The following CACNB2 variants were observed in gnomAD, a reference collection of about 807,000 sequenced individuals.
CACNB2 encodes voltage-dependent L-type calcium channel subunit beta-2.
A neutral mutation model predicts 73.3 loss-of-function variants in CACNB2; 42 were observed. That is an observed-to-expected ratio of 0.57 (90% confidence interval 0.45 to 0.74). The LOEUF is 0.74. Among genes scored for constraint, CACNB2 ranks in the 30% least tolerant of loss-of-function variants. The pLI, the probability that CACNB2 is intolerant of heterozygous loss-of-function variation, is 0.00. For synonymous variants in CACNB2, 348 were observed against 310.3 expected (o/e 1.12, Z -1.28); for missense variants, 940 against 853.0 (o/e 1.10, Z -1.27).
At chr10:18,280,556 G>A (rs1460414235) in intron 2 of CACNB2, among the ~76,000 whole-genome samples, 2 of 152,140 alleles carry the variant, frequency 1.3e-5, no homozygotes, top group East Asian at 3.9e-4. Context: ...CACCCTCACA[G>A]GGAGCATGTA....
At chr10:18,411,087 T>A (rs1225167399) in intron 3 of CACNB2, among the ~76,000 whole-genome samples, 1 of 152,238 alleles carries the variant, frequency 6.6e-6, no homozygotes, top group Non-Finnish European at 1.5e-5. Flanking sequence ...TGAAATTATT[T>A]TCACAATGTA....
At chr10:18,487,517 G>T (rs1211426971) in intron 3 of CACNB2, among the ~76,000 whole-genome samples, 1 of 152,110 alleles carries the variant, frequency 6.6e-6, no homozygotes, top group East Asian at 1.9e-4. Context: ...CAGGTGGTTG[G>T]TCTCTTCAGC....
At chr10:18,470,752 G>C (rs150373360) in intron 3 of CACNB2, among the ~76,000 whole-genome samples, 1 of 152,092 alleles carries the variant, frequency 6.6e-6, no homozygotes, top group Non-Finnish European at 1.5e-5. Context: ...CACCTGGTAG[G>C]CATTGAGATG....
chr10:18,371,925 G>A (rs550820775), intron 2 of CACNB2, among the ~76,000 whole-genome samples: 1 of 152,278 alleles, frequency 6.6e-6, no homozygotes, highest in South Asian at 2.1e-4. Context: ...TCTCATTGTG[G>A]TTTTGATTTG....
At chr10:18,275,884 C>G (rs531862003) in intron 2 of CACNB2, among the ~76,000 whole-genome samples, 1 of 152,268 alleles carries the variant, frequency 6.6e-6, no homozygotes, top group Admixed American at 6.5e-5. Flanking sequence ...ACTTTACTAT[C>G]AGTTGTTATT....
intron 2 of CACNB2, among the ~76,000 whole-genome samples, chr10:18,212,555 T>G (rs1368725460): frequency 1.3e-5 from 2 of 152,208 alleles, no homozygotes; most frequent in Non-Finnish European, 2.9e-5. Flanking sequence ...CCATTTCTCA[T>G]CTTGTAAGAA....
At position 18,210,452 on chromosome 10, in the gene CACNB2, T is replaced by G. The variant is rs556834962; in HGVS notation, c.213+59477T>G. ...GAATGGTTTTTTTTCCCATAGGCCTTAGAAGCTGGTGGGGGTTGGGGTGTG... is the reference window on the plus strand; with the variant it reads ...GAATGGTTTTTTTTCCCATAGGCCTGAGAAGCTGGTGGGGGTTGGGGTGTG... On this transcript the variant is annotated intron_variant, in intron 2 of 13. Coordinates refer to ENST00000324631, the MANE Select transcript of CACNB2 (RefSeq NM_201596.3). 1.2e-4 allele frequency among the ~76,000 whole-genome samples: 19 copies of G among 152,142 alleles called. 1 individual carries two copies. Among genetic ancestry groups the G allele is most frequent in the Non-Finnish European group, 1.8e-4 (12 of 68,006 alleles).
chr10:18,517,567 T>G (rs1466330785), intron 7 of CACNB2, among the ~76,000 whole-genome samples: 1 of 152,126 alleles, frequency 6.6e-6, no homozygotes, highest in African/African-American at 2.4e-5. Context: ...ACATTGATAA[T>G]GAACCTTTTG....
chr10:18,514,530 G>A, intron 7 of CACNB2, 161 bp downstream of exon 7: 2 of 1,613,730 alleles, frequency 1.2e-6, no homozygotes, highest in Non-Finnish European at 1.7e-6. Context: ...AGCAGAAATC[G>A]GTAAGTTTAC....
chr10:18,520,802 G>A (rs138727835), intron 9 of CACNB2, among the ~76,000 whole-genome samples: 1 of 152,302 alleles, frequency 6.6e-6, no homozygotes, highest in African/African-American at 2.4e-5. Flanking sequence ...CCTTCTGCTA[G>A]GAACACTTTT....
intron 3 of CACNB2, among the ~76,000 whole-genome samples, chr10:18,434,517 T>C (rs2046038576): frequency 6.6e-6 from 1 of 152,190 alleles, no homozygotes; most frequent in South Asian, 2.1e-4. Context: ...ATTTCCCAAA[T>C]GTTTTAGTCT....
chr10:18,270,106 G>T (rs1282454411), intron 2 of CACNB2, among the ~76,000 whole-genome samples: 1 of 152,148 alleles, frequency 6.6e-6, no homozygotes, highest in African/African-American at 2.4e-5. Flanking sequence ...CCTCATAACT[G>T]GGTAGACCTC....
At chr10:18,189,670 G>T (rs534295974) in intron 2 of CACNB2, among the ~76,000 whole-genome samples, 1 of 152,240 alleles carries the variant, frequency 6.6e-6, no homozygotes, top group African/African-American at 2.4e-5. Flanking sequence ...GTAGTGCAAT[G>T]GTGAGCATTG....
At chr10:18,418,761 C>T (rs2045149833) in intron 3 of CACNB2, among the ~76,000 whole-genome samples, 2 of 152,160 alleles carry the variant, frequency 1.3e-5, no homozygotes, top group Admixed American at 1.3e-4. Context: ...GGCATCAGGG[C>T]GTCAGTTCTT....
intron 3 of CACNB2, among the ~76,000 whole-genome samples, chr10:18,477,701 A>G (rs1158035802): frequency 1.3e-5 from 2 of 152,168 alleles, no homozygotes; most frequent in African/African-American, 4.8e-5. Context: ...AGGGTGTGGT[A>G]ATTCACATAA....
intron 3 of CACNB2, among the ~76,000 whole-genome samples, chr10:18,457,342 A>T (rs937822118): frequency 6.6e-6 from 1 of 152,046 alleles, no homozygotes; most frequent in Non-Finnish European, 1.5e-5. Flanking sequence ...CTCCTGCCTT[A>T]GCCTCCCAAA....
intron 2 of CACNB2, among the ~76,000 whole-genome samples, chr10:18,315,860 C>T (rs965273202): frequency 6.6e-6 from 1 of 152,192 alleles, no homozygotes; most frequent in Non-Finnish European, 1.5e-5. Flanking sequence ...AACATCGCCT[C>T]ACTGAATGCA....
chr10:18,302,523 G>T (rs781132791), intron 2 of CACNB2, among the ~76,000 whole-genome samples: 1 of 152,168 alleles, frequency 6.6e-6, no homozygotes, highest in Non-Finnish European at 1.5e-5. Context: ...GACATAAAAA[G>T]GAATGAATTA....
chr10:18,372,553 T>C (rs7911193), intron 2 of CACNB2, among the ~76,000 whole-genome samples: 75,568 of 151,808 alleles, frequency 0.5, 19,483 homozygotes, highest in East Asian at 0.91. Flanking sequence ...ATTACAGATG[T>C]CCGCCACTAT....
Sources: gnomAD v4.1 joint callset for allele counts (sites outside exome capture counted in the v4.1 genomes callset) on GRCh38, gnomAD v4.1.1 for gene constraint, MANE v1.5 for transcripts, NCBI Gene and HGNC (gene_info 2026-07-23, HGNC 2026-07-21) for gene names.